Variants in SBF2 observed in about 807,000 individuals in gnomAD.
SBF2 encodes SET binding factor 2.
Under a neutral mutation model 225.2 loss-of-function variants are expected in SBF2, and 112 were observed. The ratio of observed to expected loss-of-function variants is 0.50; its 90% CI spans 0.43 to 0.58. SBF2 has a LOEUF of 0.58. Ranked by LOEUF, SBF2 falls within the 20% of genes least tolerant of loss-of-function variation. The pLI is 0.00. For synonymous variants in SBF2, 763 were observed against 773.3 expected, an observed-to-expected ratio of 0.99 and a Z score of 0.22; for missense variants, 1,996 against 2,206.2, an observed-to-expected ratio of 0.90 and a Z score of 1.91.
intron 2 of SBF2, among the ~76,000 whole-genome samples, chr11:10,138,738 C>T (rs1220856529): frequency 2.0e-5 from 3 of 151,990 alleles, no homozygotes; most frequent in African/African-American, 7.2e-5. Context: ...CAGAGATTTT[C>T]CTATTTTCTT....
chr11:10,066,008 A>T (rs1041585323), intron 2 of SBF2, among the ~76,000 whole-genome samples: 4 of 152,104 alleles, frequency 2.6e-5, no homozygotes, highest in Non-Finnish European at 5.9e-5. Flanking sequence ...ACTCATGAAG[A>T]CATAACCTGA....
intron 6 of SBF2, among the ~76,000 whole-genome samples, chr11:10,013,028 G>A (rs926511262): frequency 2.6e-5 from 4 of 152,140 alleles, no homozygotes; most frequent in African/African-American, 7.2e-5. Context: ...GTTGGAGCAC[G>A]TTCATAGTTT....
At chr11:10,260,284 C>T (rs1961293060) in intron 1 of SBF2, among the ~76,000 whole-genome samples, 1 of 152,102 alleles carries the variant, frequency 6.6e-6, no homozygotes. Context: ...TTGGCATATG[C>T]AAAGAAGAGC....
chr11:10,101,865 G>A (rs779315395), intron 2 of SBF2, among the ~76,000 whole-genome samples: 1 of 152,004 alleles, frequency 6.6e-6, no homozygotes, highest in Non-Finnish European at 1.5e-5. Flanking sequence ...CATGGGTTTA[G>A]GACCCCTATA....
chr11:10,176,875 A>G (rs1055835668), intron 2 of SBF2, among the ~76,000 whole-genome samples: 1 of 152,244 alleles, frequency 6.6e-6, no homozygotes, highest in African/African-American at 2.4e-5. Context: ...AAAGCCTGGC[A>G]GAGACACAAC....
upstream of SBF2, among the ~76,000 whole-genome samples, chr11:10,298,752 C>A (rs947982810): frequency 3.9e-5 from 6 of 152,182 alleles, no homozygotes; most frequent in African/African-American, 1.4e-4. Context: ...CTCTCAGCCC[C>A]ACATTCATCA....
At chr11:10,116,041 C>T (rs760253904) in intron 2 of SBF2, among the ~76,000 whole-genome samples, 2 of 151,990 alleles carry the variant, frequency 1.3e-5, no homozygotes, top group Non-Finnish European at 2.9e-5. Context: ...TGGTGATGGG[C>T]GCCTGTAGTC....
At chr11:10,219,704 T>C (rs1321820342) in intron 1 of SBF2, among the ~76,000 whole-genome samples, 2 of 152,188 alleles carry the variant, frequency 1.3e-5, no homozygotes, top group Non-Finnish European at 2.9e-5. Flanking sequence ...CTCTTTCTGG[T>C]TCAAAGTTCC....
chr11:9,892,200 C>G (rs1037696003), intron 17 of SBF2, among the ~76,000 whole-genome samples: 1 of 151,978 alleles, frequency 6.6e-6, no homozygotes, highest in Non-Finnish European at 1.5e-5. Flanking sequence ...CTCACTGCAG[C>G]CTCTGCCTCC....
At chr11:10,266,489 G>A (rs1293761919) in intron 1 of SBF2, among the ~76,000 whole-genome samples, 1 of 152,148 alleles carries the variant, frequency 6.6e-6, no homozygotes, top group Non-Finnish European at 1.5e-5. Context: ...GATACCGTGA[G>A]ACATTCTGAG....
intron 16 of SBF2, among the ~76,000 whole-genome samples, chr11:9,933,406 G>A (rs539773369): frequency 7.2e-5 from 11 of 152,260 alleles, no homozygotes; most frequent in Admixed American, 2.0e-4. Flanking sequence ...CACATAATTG[G>A]AAGTAAAGCA....
rs150036800 is a variant in SBF2 at position 9,926,974 on chromosome 11, T to G, written c.1861-30963A>C. Among the ~76,000 whole-genome samples, 230 of 152,214 alleles carry G rather than the reference T, an allele frequency of 1.5e-3. 2 individuals are homozygous for G. The highest frequency in any genetic ancestry group is 2.6e-3 in the Non-Finnish European group (179 of 68,020). ...CCCGAAACTGGTTCTCTGAGAAATT[T>G]AATAAAATGTATAACTCTCTAGCTT... On this transcript the variant is annotated intron_variant, in intron 16 of 39. Transcript: ENST00000256190.
chr11:10,127,566 T>C (rs1271724538), intron 2 of SBF2, among the ~76,000 whole-genome samples: 1 of 152,168 alleles, frequency 6.6e-6, no homozygotes, highest in African/African-American at 2.4e-5. Context: ...CCAATAATTC[T>C]ACTTGATGGT....
At chr11:10,173,119 A>G (rs1328714070) in intron 2 of SBF2, among the ~76,000 whole-genome samples, 1 of 152,230 alleles carries the variant, frequency 6.6e-6, no homozygotes. Context: ...TATTATTTCA[A>G]TGTTTTCGAA....
intron 16 of SBF2, among the ~76,000 whole-genome samples, chr11:9,914,360 T>C (rs779194297): frequency 6.6e-5 from 10 of 152,120 alleles, no homozygotes; most frequent in South Asian, 2.1e-4. Context: ...GAGGAAAGAA[T>C]CTCTGAGAGC....
At chr11:9,901,875 A>G (rs1268743762) in intron 16 of SBF2, among the ~76,000 whole-genome samples, 1 of 152,064 alleles carries the variant, frequency 6.6e-6, no homozygotes, top group African/African-American at 2.4e-5. Context: ...AAACTCCTGA[A>G]CTCAAGTGAT....
intron 13 of SBF2, among the ~76,000 whole-genome samples, chr11:9,972,284 G>A (rs1236386915): frequency 6.6e-6 from 1 of 151,990 alleles, no homozygotes; most frequent in African/African-American, 2.4e-5. Context: ...CACCACCCCA[G>A]AATGAATCTA....
In SBF2 at chr11:9,884,420, T is replaced by A. The variant is rs562678948; in HGVS notation, c.1929+11523A>T. 2.0e-5 allele frequency among the ~76,000 whole-genome samples: 3 copies of A among 152,304 alleles called. No individual in the cohort carries two copies. The East Asian group carries it at 5.8e-4, about 29-fold the overall frequency. ...GTGGTTTTAGCTTTTAAAAATGAAA[T>A]CTTACATATAAGTTCAATATATGTA... is the stretch of plus-strand genomic sequence containing the variant. On this transcript the variant is annotated intron_variant, in intron 17 of 39. Transcript: ENST00000256190.
intron 38 of SBF2, among the ~76,000 whole-genome samples, chr11:9,783,529 G>C (rs1476549709): frequency 6.6e-6 from 1 of 152,214 alleles, no homozygotes; most frequent in Non-Finnish European, 1.5e-5. Flanking sequence ...AAGGCCTGCA[G>C]TCAGAACACA....
Sources: gnomAD v4.1 joint callset for allele counts (sites outside exome capture counted in the v4.1 genomes callset) on GRCh38, gnomAD v4.1.1 for gene constraint, MANE v1.5 for transcripts, NCBI Gene and HGNC (gene_info 2026-07-23, HGNC 2026-07-21) for gene names.